The following PER3 variants were observed in gnomAD, a reference collection of about 807,000 sequenced individuals.
PER3 encodes period circadian protein homolog 3.
In PER3, 107 loss-of-function variants were observed where a neutral mutation model predicts 127.2. That is an observed-to-expected ratio of 0.84 (90% CI 0.72 to 0.99). The LOEUF is 0.99. Ranked by LOEUF, PER3 falls within the 50% of genes least tolerant of loss-of-function variation. The pLI is 0.00. For synonymous variants in PER3, 618 were observed against 585.8 expected, an observed-to-expected ratio of 1.05 and a Z score of -0.79; for missense variants, 1,560 against 1,525.8, an observed-to-expected ratio of 1.02 and a Z score of -0.37.
chr1:7,836,426 A>G (rs958675907), intron 20 of PER3, among the ~76,000 whole-genome samples: 2 of 152,196 alleles, frequency 1.3e-5, no homozygotes, highest in African/African-American at 4.8e-5. Flanking sequence ...TGATCTGCCC[A>G]CCTCGGCCTC....
At chr1:7,785,744 T>C (rs1216280277) in intron 3 of PER3, among the ~76,000 whole-genome samples, 158 bp downstream of exon 3, 1 of 152,218 alleles carries the variant, frequency 6.6e-6, no homozygotes, top group Non-Finnish European at 1.5e-5. Context: ...CATTCGTGTC[T>C]TAATTGTTCA....
At chr1:7,831,023 A>T (rs228664) in intron 19 of PER3, among the ~76,000 whole-genome samples, 147,218 of 152,332 alleles carry the variant, frequency 0.97, 71,159 homozygotes, top group East Asian at 1. Flanking sequence ...GGTGTTTGGA[A>T]TGAAATTGTG....
Position 7,826,740 on chromosome 1 carries a change from T to A in PER3, c.2188+30T>A. The A allele has an allele frequency of 7.8e-7, 1 of 1,278,142 alleles. No homozygotes were observed. The highest frequency in any genetic ancestry group is 1.1e-6 in the Non-Finnish European group (1 of 879,256). The allele number at this position is 1,278,142 out of a possible 1,614,324, so 79.2% of individuals were successfully genotyped here. ...GTAATTTTTTAAAAATAAATGCCAT[T>A]AATCTATGTAAATGTTACAAACTGT... On this transcript the variant is annotated intron_variant, in intron 17 of 21. Transcript: ENST00000377532. This position sits in a 1 kb window ranked among gnomAD's most constrained non-coding sequence, Gnocchi z 4.2.
intron 19 of PER3, among the ~76,000 whole-genome samples, chr1:7,834,198 G>A (rs1302467421): frequency 6.6e-5 from 10 of 152,194 alleles, no homozygotes; most frequent in Admixed American, 6.5e-4. Context: ...GGCATTACAG[G>A]TGTGAGCCAC....
intron 8 of PER3, among the ~76,000 whole-genome samples, chr1:7,802,078 C>T (rs1336620037): frequency 6.6e-6 from 1 of 152,072 alleles, no homozygotes; most frequent in Admixed American, 6.6e-5. Context: ...CTAAAAATAG[C>T]TTAAATCTCT....
chr1:7,840,479 C>T (rs2097380649), intron 21 of PER3, among the ~76,000 whole-genome samples: 1 of 151,458 alleles, frequency 6.6e-6, no homozygotes, highest in Non-Finnish European at 1.5e-5. Flanking sequence ...CCACCATGCC[C>T]AGCTAATTTT....
intron 18 of PER3, 128 bp from the exon 19 acceptor site, chr1:7,829,706 A>T: frequency 1.4e-6 from 1 of 707,586 alleles, no homozygotes; most frequent in Non-Finnish European, 2.4e-6. Flanking sequence ...TTTTCCATTT[A>T]CTATTTTTGG....
At chr1:7,785,312 G>GTGA (rs2150400314) in intron 2 of PER3, 129 bp from the exon 3 acceptor site, 1 of 708,274 alleles carries the variant, frequency 1.4e-6, no homozygotes, top group South Asian at 1.9e-5. Flanking sequence ...GAGGAAGAGG[G>GTGA]GTCACCACCC....
intron 21 of PER3, among the ~76,000 whole-genome samples, chr1:7,841,336 A>G (rs1325454696): frequency 6.6e-6 from 1 of 151,212 alleles, no homozygotes; most frequent in East Asian, 1.9e-4. Context: ...CTAATAACAT[A>G]GTAATTCTGG....
rs114630082 is a variant in PER3 at position 7,820,422 on chromosome 1, G to A, written c.1784-45G>A. 1.9e-3 allele frequency: 2,948 copies of A among 1,553,694 alleles called. 41 individuals are homozygous for A. In the African/African-American group the frequency reaches 0.035, roughly 18 times the overall value. Reference sequence around the variant, plus strand: ...ACTGGGTCTTTTATGTAAATTTCTCGTTGGGAATTTTTCTTTTCACTGTCA... The same window carrying A: ...ACTGGGTCTTTTATGTAAATTTCTCATTGGGAATTTTTCTTTTCACTGTCA... On this transcript the variant is annotated intron_variant, in intron 15 of 21. Coordinates refer to ENST00000377532, the MANE Select transcript of PER3 (RefSeq NM_001377275.1).
chr1:7,800,216 A>ATTTTT (rs35599508), intron 7 of PER3, among the ~76,000 whole-genome samples: 4 of 146,328 alleles, frequency 2.7e-5, no homozygotes, highest in Non-Finnish European at 4.5e-5. Context: ...CAATCACTTC[A>ATTTTT]TTTTTTTTTT....
chr1:7,820,224 G>A lies in PER3; in HGVS notation c.1768G>A (p.Val590Ile). The A allele has an allele frequency of 6.2e-7, 1 of 1,613,650 alleles. No homozygotes were observed. Among genetic ancestry groups the A allele is most frequent in the Non-Finnish European group, 8.5e-7 (1 of 1,179,786 alleles). Residue 590 changes from valine to isoleucine, a missense_variant, in exon 15 of 22, where the codon GTC (valine) becomes ATC (isoleucine). By Grantham distance (29) the Val-to-Ile change is conservative. Transcript: ENST00000377532. ...CAAACAGAACCACAAGGCAGATGATGTCCAAGCCTTACAAGGTAACAAGAA... is the reference window on the plus strand; with the variant it reads ...CAAACAGAACCACAAGGCAGATGATATCCAAGCCTTACAAGGTAACAAGAA... ...EDKQNHKADD[V>I]QALQAGLQIP... is the part of the protein sequence containing the mutation.
Position 7,806,222 on chromosome 1 carries a change from C to T in PER3, c.1136+2374C>T, listed in dbSNP as rs115810152. On this transcript the variant is annotated intron_variant, in intron 10 of 21. Transcript: ENST00000377532. ...AGCAAGGGACCCTGCCTGTATCTCT[C>T]TCAGTCCTTCCCAGCAGCACTGCAG... 9.9e-3 allele frequency among the ~76,000 whole-genome samples: 1,512 copies of T among 152,266 alleles called. 21 individuals are homozygous for T. The highest frequency in any genetic ancestry group is 0.033 in the African/African-American group (1,364 of 41,562).
At position 7,827,456 on chromosome 1, in the gene PER3, C is replaced by G; in HGVS notation, c.2527C>G (p.Pro843Ala). ...HGLPLSEGLQ[P>A]YPAFPFPYLD... ...GCTGCCCTTGTCCGAGGGCTTGCAG[C>G]CTTACCCAGCTTTCCCTTTTCCTTA... Residue 843 changes from proline to alanine, a missense_variant, in exon 18 of 22, where the codon CCT (proline) becomes GCT (alanine). Pro to Ala is a conservative substitution (Grantham distance 27). Around this residue, in one of 3 missense-constraint regions of PER3, gnomAD observed 1,332 missense variants for 1,223.6 expected, o/e 1.09. Coordinates refer to ENST00000377532, the MANE Select transcript of PER3 (RefSeq NM_001377275.1). The G allele has an allele frequency of 2.5e-6, 4 of 1,614,196 alleles. No individual in the cohort carries two copies. Among genetic ancestry groups the G allele is most frequent in the Non-Finnish European group, 3.4e-6 (4 of 1,180,004 alleles).
Position 7,837,153 on chromosome 1 carries a change from A to G in PER3, c.3549+4A>G. ...CACTCAAGAAATCGACATTCAAGTA[A>G]GCACAGTAATAATGGCTGTCATATA... On this transcript the variant is annotated splice_donor_region_variant and intron_variant, in intron 21 of 21. Coordinates refer to ENST00000377532, the MANE Select transcript of PER3 (RefSeq NM_001377275.1). The G allele has an allele frequency of 6.2e-7, 1 of 1,612,708 alleles. No individual in the cohort carries two copies. The highest frequency in any genetic ancestry group is 8.5e-7 in the Non-Finnish European group (1 of 1,179,382).
chr1:7,810,651 A>C, intron 13 of PER3, 63 bp downstream of exon 13: 1 of 1,459,024 alleles, frequency 6.9e-7, no homozygotes, highest in Non-Finnish European at 9.2e-7. Flanking sequence ...CATAGACGTC[A>C]TGTATGTGAT....
chr1:7,789,682 C>T (rs2097109860), intron 5 of PER3, among the ~76,000 whole-genome samples: 1 of 152,216 alleles, frequency 6.6e-6, no homozygotes, highest in East Asian at 1.9e-4. Context: ...AACAGATCTC[C>T]ATAACTTTTT....
chr1:7,815,822 A>G (rs2097246488), intron 13 of PER3, among the ~76,000 whole-genome samples: 1 of 146,692 alleles, frequency 6.8e-6, no homozygotes, highest in Admixed American at 6.9e-5. Flanking sequence ...TGTCTCGACT[A>G]AAAATACAAA....
chr1:7,831,732 C>T (rs1021706339), intron 19 of PER3, among the ~76,000 whole-genome samples: 10 of 152,190 alleles, frequency 6.6e-5, no homozygotes, highest in African/African-American at 2.4e-4. Flanking sequence ...AATAAATTAA[C>T]CTTGCATTTG....
Sources: gnomAD v4.1 joint callset for allele counts (sites outside exome capture counted in the v4.1 genomes callset) on GRCh38, gnomAD v4.1.1 for gene constraint, gnomAD v4.1.1 regional missense constraint, Gnocchi (gnomAD v3.1) non-coding constraint, MANE v1.5 for transcripts, NCBI Gene and HGNC (gene_info 2026-07-23, HGNC 2026-07-21) for gene names.